The following CENPE variants were observed in gnomAD, a reference collection of about 807,000 sequenced individuals.
CENPE encodes the protein centromere-associated protein E.
Under a neutral mutation model 336.1 loss-of-function variants are expected in CENPE, and 145 were observed. That is an observed-to-expected ratio of 0.43 (90% CI 0.38 to 0.50). The LOEUF (loss-of-function observed/expected upper bound fraction) is 0.50. Among genes scored for constraint, CENPE ranks in the 20% least tolerant of loss-of-function variants. CENPE has a pLI of 0.00. For missense variants in CENPE, 2,719 were observed against 3,023.3 expected, an observed-to-expected ratio of 0.90 and a Z score of 2.36; for synonymous variants, 1,013 against 984.8, an observed-to-expected ratio of 1.03 and a Z score of -0.54.
intron 9 of CENPE, among the ~76,000 whole-genome samples, chr4:103,183,717 C>T (rs940110555): frequency 1.3e-5 from 2 of 152,092 alleles, no homozygotes; most frequent in African/African-American, 4.8e-5. Flanking sequence ...AAAAAGTACA[C>T]TTTGAAAAAG....
At chr4:103,183,414 T>A in intron 9 of CENPE, 126 bp from the exon 10 acceptor site, 1 of 637,192 alleles carries the variant, frequency 1.6e-6, no homozygotes, top group Non-Finnish European at 2.6e-6. Flanking sequence ...GGTTTAGACA[T>A]GAGCCCATCT....
At chr4:103,141,699 T>C (rs1182594771) in intron 35 of CENPE, 51 bp downstream of exon 35, 1 of 1,311,754 alleles carries the variant, frequency 7.6e-7, no homozygotes, top group Non-Finnish European at 1.1e-6. Flanking sequence ...CCAACAATTT[T>C]AGGCACAAAC....
At chr4:103,113,766 A>T (rs1749822611) in intron 46 of CENPE, among the ~76,000 whole-genome samples, 1 of 149,880 alleles carries the variant, frequency 6.7e-6, no homozygotes, top group South Asian at 2.1e-4. Context: ...ATATATGCTT[A>T]TAAGTTAGAA....
At chr4:103,176,343 AT>A (rs1432639174) in intron 14 of CENPE, among the ~76,000 whole-genome samples, 4 of 152,176 alleles carry the variant, frequency 2.6e-5, no homozygotes, top group African/African-American at 9.7e-5. Context: ...TAGATTTAAA[AT>A]TCCCCCCCAA....
Position 103,183,286 on chromosome 4 carries a change from C to A in CENPE, c.748G>T (p.Val250Leu). The A allele has an allele frequency of 6.2e-7, 1 of 1,608,804 alleles. No individual in the cohort carries two copies. Among genetic ancestry groups the A allele is most frequent in the Non-Finnish European group, 8.5e-7 (1 of 1,177,692 alleles). ...ERAAQTGAAG[V>L]RLKEGCNINR... is the part of the protein sequence containing the mutation. ...ATATTACAGCCTTCCTTGAGCCGCA[C>A]ACCTGAATTTATTAAACAAATATGA... is the stretch of plus-strand genomic sequence containing the variant. Residue 250 changes from valine to leucine, a missense_variant and splice_region_variant, in exon 10 of 49, where the codon GTG becomes TTG. Around this residue, in one of 5 missense-constraint regions of CENPE, gnomAD observed 117 missense variants for 215.8 expected, o/e 0.54. Coordinates refer to ENST00000265148, the MANE Select transcript of CENPE (RefSeq NM_001813.3).
At chr4:103,163,401 C>A in intron 17 of CENPE, 78 bp downstream of exon 17, 1 of 1,271,820 alleles carries the variant, frequency 7.9e-7, no homozygotes, top group South Asian at 1.3e-5. Flanking sequence ...TTATTTCTGA[C>A]ATCATGTTCA....
chr4:103,166,628 T>C (rs578086546), intron 16 of CENPE, among the ~76,000 whole-genome samples: 8 of 152,216 alleles, frequency 5.3e-5, no homozygotes, highest in Admixed American at 2.6e-4. Context: ...GAAAAGAGGT[T>C]GAGAAACTGA....
At chr4:103,183,334 T>C in intron 9 of CENPE, 46 bp from the exon 10 acceptor site, 1 of 1,459,014 alleles carries the variant, frequency 6.9e-7, no homozygotes, top group Non-Finnish European at 9.6e-7. Context: ...ACTCCTTTTC[T>C]AGATGATAAA....
At chr4:103,193,914 G>A (rs1259104049) in intron 8 of CENPE, among the ~76,000 whole-genome samples, 1 of 151,952 alleles carries the variant, frequency 6.6e-6, no homozygotes, top group Non-Finnish European at 1.5e-5. Context: ...ATGATCTAAA[G>A]TGTTAAATGT....
In CENPE at chr4:103,181,505, C is replaced by T. The variant is rs529665184; in HGVS notation, c.964-49G>A. 8.8e-6 allele frequency: 13 copies of T among 1,471,604 alleles called. No homozygotes were observed. The African/African-American group carries it at 1.0e-4, about 12-fold the overall frequency. The allele number at this position is 1,471,604 out of a possible 1,614,324, so 91.2% of individuals were successfully genotyped here. Reference sequence around the variant, plus strand: ...TAAGTGTTCAACACTTAAAAAAATTCGAATTTAATTAATAATATTTAGCTT... The same window carrying T: ...TAAGTGTTCAACACTTAAAAAAATTTGAATTTAATTAATAATATTTAGCTT... On this transcript the variant is annotated intron_variant, in intron 11 of 48. Coordinates refer to ENST00000265148, the MANE Select transcript of CENPE (RefSeq NM_001813.3).
intron 46 of CENPE, among the ~76,000 whole-genome samples, chr4:103,112,184 G>T (rs1226830870): frequency 6.7e-6 from 1 of 149,266 alleles, no homozygotes; most frequent in Non-Finnish European, 1.5e-5. Flanking sequence ...ACACTTATAT[G>T]TATCCTGTAA....
chr4:103,197,821 T>C (rs1382660198), intron 1 of CENPE, among the ~76,000 whole-genome samples: 1 of 152,206 alleles, frequency 6.6e-6, no homozygotes, highest in African/African-American at 2.4e-5. Context: ...TGATAAATAT[T>C]TGTAGAATGA....
rs541983123 is a variant in CENPE, at chr4:103,126,732, AT to A, written c.6925-3644del. 7.2e-5 allele frequency among the ~76,000 whole-genome samples: 11 copies of A among 152,318 alleles called. No homozygotes were observed. In the East Asian group the frequency reaches 2.1e-3, roughly 29 times the overall value. ...AAACAATGTAAGAAGAAACATAGAA[AT>A]TTTGAGCAAAAAAATAAAGAAATGC... is the stretch of plus-strand genomic sequence containing the variant. On this transcript the variant is annotated intron_variant, in intron 42 of 48. Coordinates refer to ENST00000265148, the MANE Select transcript of CENPE (RefSeq NM_001813.3).
At chr4:103,142,229 C>T (rs1448123573) in intron 34 of CENPE, among the ~76,000 whole-genome samples, 1 of 152,060 alleles carries the variant, frequency 6.6e-6, no homozygotes, top group East Asian at 1.9e-4. Context: ...AATAAATAAC[C>T]TGTGGCATAT....
intron 8 of CENPE, among the ~76,000 whole-genome samples, chr4:103,188,952 A>G (rs11944056): frequency 0.045 from 6,806 of 152,262 alleles, 497 homozygotes; most frequent in African/African-American, 0.15. Flanking sequence ...AAAAAATGAT[A>G]AAGGGGATAT....
At chr4:103,176,086 G>A (rs1405420319) in intron 14 of CENPE, 38 bp from the exon 15 acceptor site, 1 of 1,263,786 alleles carries the variant, frequency 7.9e-7, no homozygotes, top group Non-Finnish European at 1.1e-6. Flanking sequence ...CCATGAACAT[G>A]TTTACCAAAT....
chr4:103,121,727 A>G (rs1578552936), intron 43 of CENPE, among the ~76,000 whole-genome samples: 2 of 151,980 alleles, frequency 1.3e-5, no homozygotes, highest in South Asian at 4.2e-4. Flanking sequence ...ATATTAAAAA[A>G]ACACTTTTTT....
chr4:103,166,663 C>T lies in CENPE; in HGVS notation c.1648-3110G>A, dbSNP rs553628187. On this transcript the variant is annotated intron_variant, in intron 16 of 48. Transcript: ENST00000265148. Reference sequence around the variant, plus strand: ...AACAATGATATCGAGGAAAAAGGGTCATGGCCTTTTGGGCTAGCCACATAG... The same window carrying T: ...AACAATGATATCGAGGAAAAAGGGTTATGGCCTTTTGGGCTAGCCACATAG... 4.7e-4 allele frequency among the ~76,000 whole-genome samples: 72 copies of T among 152,220 alleles called. 2 individuals carry two copies. The South Asian group carries it at 0.015, about 32-fold the overall frequency.
chr4:103,174,634 G>T, intron 16 of CENPE, 102 bp downstream of exon 16: 2 of 783,816 alleles, frequency 2.6e-6, no homozygotes, highest in Non-Finnish European at 3.8e-6. Flanking sequence ...AATGTTATCT[G>T]TACATTTAAA....
Sources: gnomAD v4.1 joint callset for allele counts (sites outside exome capture counted in the v4.1 genomes callset) on GRCh38, gnomAD v4.1.1 for gene constraint, gnomAD v4.1.1 regional missense constraint, MANE v1.5 for transcripts, NCBI Gene and HGNC (gene_info 2026-07-23, HGNC 2026-07-21) for gene names.